The following FBXW11 variants were observed in gnomAD, a reference collection of about 807,000 sequenced individuals.
FBXW11 encodes the protein F-box/WD repeat-containing protein 11.
FBXW11 carries 19 observed loss-of-function variants against 77.6 expected under a neutral mutation model. The ratio of observed to expected loss-of-function variants is 0.24; its 90% CI spans 0.17 to 0.36. FBXW11 has a LOEUF of 0.36. Ranked by LOEUF, FBXW11 falls within the 10% of genes least tolerant of loss-of-function variation. FBXW11 has a pLI of 1.00. For synonymous variants in FBXW11, 235 were observed against 249.4 expected (o/e 0.94, Z 0.54); for missense variants, 334 against 704.2 (o/e 0.47, Z 5.95).
intron 2 of FBXW11, among the ~76,000 whole-genome samples, chr5:171,926,458 G>C (rs570252514): frequency 4.4e-4 from 67 of 152,324 alleles, no homozygotes; most frequent in Non-Finnish European, 8.7e-4. Context: ...CTGGTGGGAG[G>C]TGACTGAATC....
At chr5:171,877,893 T>C (rs1758208464) in intron 8 of FBXW11, 118 bp downstream of exon 8, 5 of 780,312 alleles carry the variant, frequency 6.4e-6, no homozygotes, top group Middle Eastern at 3.6e-4. Context: ...TAAAAGTAGT[T>C]TGAAATACAG....
chr5:171,919,462 G>T (rs897505059), intron 2 of FBXW11, among the ~76,000 whole-genome samples: 1 of 152,028 alleles, frequency 6.6e-6, no homozygotes, highest in Admixed American at 6.6e-5. Context: ...CCTGTTCCTG[G>T]GTGTCTTTTA....
chr5:171,893,446 A>AC (rs1759523174), intron 6 of FBXW11, among the ~76,000 whole-genome samples: 1 of 147,990 alleles, frequency 6.8e-6, no homozygotes, highest in African/African-American at 2.5e-5. Flanking sequence ...AAAAAAAAAA[A>AC]ACTAACCCAA....
chr5:172,001,137 T>C (rs534055886), intron 1 of FBXW11, among the ~76,000 whole-genome samples: 1 of 152,310 alleles, frequency 6.6e-6, no homozygotes, highest in East Asian at 1.9e-4. Context: ...TCTACCTTTG[T>C]CTTAAGATAT....
chr5:171,944,505 G>A (rs762514932), intron 2 of FBXW11, among the ~76,000 whole-genome samples: 1 of 150,222 alleles, frequency 6.7e-6, no homozygotes. Flanking sequence ...AACCCCGGCA[G>A]GGCGGAGCCT....
At chr5:171,975,545 T>C (rs1306279795) in intron 1 of FBXW11, among the ~76,000 whole-genome samples, 1 of 152,146 alleles carries the variant, frequency 6.6e-6, no homozygotes, top group Non-Finnish European at 1.5e-5. Context: ...GGCATTACAG[T>C]AAAAATGAAT....
intron 9 of FBXW11, among the ~76,000 whole-genome samples, chr5:171,873,735 T>C (rs1312326392): frequency 6.6e-6 from 1 of 152,258 alleles, no homozygotes; most frequent in African/African-American, 2.4e-5. Flanking sequence ...TTACTTCTAA[T>C]TGTATGTATG....
intron 1 of FBXW11, among the ~76,000 whole-genome samples, chr5:171,968,122 C>T (rs1764319294): frequency 6.6e-6 from 1 of 152,054 alleles, no homozygotes; most frequent in Non-Finnish European, 1.5e-5. Flanking sequence ...GTAGACCATT[C>T]TCCTAATGAA....
rs1163213472 is a variant in FBXW11 at position 171,863,069 on chromosome 5, A to G, written c.*1058T>C. 1 of 152,580 alleles carries G rather than the reference A, an allele frequency of 6.6e-6. No individual in the cohort carries two copies. The highest frequency in any genetic ancestry group is 1.5e-5 in the Non-Finnish European group (1 of 68,050). The allele number at this position is 152,580 out of a possible 1,614,324, so 9.5% of individuals were successfully genotyped here. On this transcript the variant is annotated 3_prime_UTR_variant, in exon 14 of 14. Coordinates refer to ENST00000517395, the MANE Select transcript of FBXW11 (RefSeq NM_001378974.1). ...AAGGTACCTCTCTATTGTATAATAT[A>G]TACTCCACAACAAATAAAACATTTT...
chr5:171,896,454 C>G (rs1403094256), intron 6 of FBXW11, among the ~76,000 whole-genome samples: 4 of 152,132 alleles, frequency 2.6e-5, no homozygotes, highest in African/African-American at 9.7e-5. Flanking sequence ...TAACTCATAC[C>G]CTTTTTTCAA....
chr5:171,926,745 G>C (rs1205007899), intron 2 of FBXW11, among the ~76,000 whole-genome samples: 1 of 152,148 alleles, frequency 6.6e-6, no homozygotes, highest in East Asian at 1.9e-4. Context: ...CTTTATAGCA[G>C]TGTGAGAACA....
chr5:171,995,982 G>T (rs1344579571), intron 1 of FBXW11, among the ~76,000 whole-genome samples: 2 of 152,142 alleles, frequency 1.3e-5, no homozygotes, highest in Non-Finnish European at 2.9e-5. Flanking sequence ...CCATTTACTA[G>T]CTGTATGACC....
intron 13 of FBXW11, chr5:171,867,847 T>A (rs140729044): frequency 2.8e-4 from 43 of 152,342 alleles, no homozygotes; most frequent in African/African-American, 8.4e-4. Context: ...TGTTTATATG[T>A]AAACATTTAT....
intron 6 of FBXW11, among the ~76,000 whole-genome samples, chr5:171,897,726 G>C (rs930396240): frequency 6.6e-5 from 10 of 151,142 alleles, no homozygotes; most frequent in African/African-American, 2.4e-4. Flanking sequence ...AAGAAGTCTG[G>C]AAATAACTTT....
chr5:172,000,187 T>A (rs1372163902), intron 1 of FBXW11, among the ~76,000 whole-genome samples: 4 of 152,234 alleles, frequency 2.6e-5, no homozygotes, highest in African/African-American at 9.6e-5. Context: ...GAAAATCTTG[T>A]ATGAATTCTC....
chr5:171,985,565 G>C (rs1311614631), intron 1 of FBXW11, among the ~76,000 whole-genome samples: 2 of 152,074 alleles, frequency 1.3e-5, no homozygotes, highest in East Asian at 1.9e-4. Flanking sequence ...AGACCAGCCT[G>C]TGCAACACAG....
chr5:171,945,353 T>C (rs964079374), intron 2 of FBXW11, among the ~76,000 whole-genome samples: 2 of 152,220 alleles, frequency 1.3e-5, no homozygotes, highest in Admixed American at 6.5e-5. Context: ...ATGAAAATAG[T>C]TTCTACTTTA....
At chr5:171,930,765 A>AT (rs1365732171) in intron 2 of FBXW11, among the ~76,000 whole-genome samples, 2 of 148,312 alleles carry the variant, frequency 1.3e-5, no homozygotes, top group Admixed American at 6.7e-5. Context: ...AAAAAAATAA[A>AT]AAAAAAAAAA....
chr5:171,977,221 C>T (rs1033981715), intron 1 of FBXW11, among the ~76,000 whole-genome samples: 2 of 149,340 alleles, frequency 1.3e-5, no homozygotes, highest in Non-Finnish European at 3.0e-5. Flanking sequence ...GTGTGGATCG[C>T]TTGAACCCTG....
Sources: gnomAD v4.1 joint callset for allele counts (sites outside exome capture counted in the v4.1 genomes callset) on GRCh38, gnomAD v4.1.1 for gene constraint, MANE v1.5 for transcripts, NCBI Gene and HGNC (gene_info 2026-07-23, HGNC 2026-07-21) for gene names.